The following SORL1 variants were observed in gnomAD, a reference collection of about 807,000 sequenced individuals.
SORL1 encodes the protein sortilin related receptor 1.
In SORL1, 127 loss-of-function variants were observed where a neutral mutation model predicts 273.7. That is an observed-to-expected ratio of 0.46 (90% confidence interval 0.40 to 0.54). The LOEUF is 0.54. SORL1 is among the 20% of genes least tolerant of loss of function. The pLI is 0.00. For synonymous variants in SORL1, 1,031 were observed against 1,067.4 expected (o/e 0.97, Z 0.66); for missense variants, 2,494 against 2,846.1 (o/e 0.88, Z 2.81).
At chr11:121,476,952 A>G (rs929303182) in intron 2 of SORL1, among the ~76,000 whole-genome samples, 6 of 151,684 alleles carry the variant, frequency 4.0e-5, no homozygotes, top group African/African-American at 1.2e-4. Context: ...CCACCAAGCC[A>G]GGCTCATTTT....
intron 8 of SORL1, among the ~76,000 whole-genome samples, chr11:121,519,596 G>A (rs752370726): frequency 4.6e-5 from 7 of 152,210 alleles, no homozygotes; most frequent in Non-Finnish European, 7.4e-5. Context: ...GGAAAGAATC[G>A]ACAGGTTCTG....
chr11:121,500,313 C>A (rs563799192), intron 6 of SORL1, among the ~76,000 whole-genome samples: 8 of 152,272 alleles, frequency 5.3e-5, no homozygotes, highest in African/African-American at 1.9e-4. Context: ...GCAAGCCAGG[C>A]CCAGATATTT....
chr11:121,588,080 A>G lies in SORL1; in HGVS notation c.3875A>G (p.His1292Arg). Reference sequence around the variant, plus strand: ...AAGAACCGCCAGCAGTGCCTGTTCCACTCCATGGTCTGTGACGGAATCATC... The same window carrying G: ...AAGAACCGCCAGCAGTGCCTGTTCCGCTCCATGGTCTGTGACGGAATCATC... ...VCKNRQQCLF[H>R]SMVCDGIIQC... The change falls in exon 28 of 48, where the codon CAC (histidine) becomes CGC (arginine). Residue 1292 changes from histidine to arginine, a missense_variant. Physicochemically the swap from His to Arg is conservative, Grantham distance 29. Coordinates refer to ENST00000260197, the MANE Select transcript of SORL1 (RefSeq NM_003105.6). 1 of 1,613,594 alleles carries G rather than the reference A, an allele frequency of 6.2e-7. No homozygotes were observed. Among genetic ancestry groups the G allele is most frequent in the East Asian group, 2.2e-5 (1 of 44,830 alleles).
rs1469853536 is a variant in SORL1 at position 121,618,781 on chromosome 11, G to T, written c.5612G>T (p.Gly1871Val). 1.2e-6 allele frequency: 2 copies of T among 1,613,976 alleles called. No homozygotes were observed. Among genetic ancestry groups the T allele is most frequent in the African/African-American group, 1.3e-5 (1 of 74,904 alleles). The change falls in exon 42 of 48, where the codon GGT becomes GTT. Residue 1871 changes from glycine to valine, a missense_variant. By Grantham distance (109) the Gly-to-Val change is moderately radical. Around this residue, in one of 3 missense-constraint regions of SORL1, gnomAD observed 1,609 missense variants for 1,816.4 expected, o/e 0.89. Transcript: ENST00000260197. ...TWTGPRNVVY[G>V]IFYATSFLDL... ...ATTCTCTGCTTTTACCAGGTTTATG[G>T]TATTTTCTATGCCACGTCCTTTCTT...
chr11:121,493,912 G>A (rs1018362952), intron 5 of SORL1, among the ~76,000 whole-genome samples: 3 of 152,158 alleles, frequency 2.0e-5, no homozygotes, highest in African/African-American at 7.2e-5. Context: ...TTCTGTTTAT[G>A]TTTCCACAGA....
intron 23 of SORL1, among the ~76,000 whole-genome samples, chr11:121,571,910 A>G (rs1699105): frequency 0.27 from 41,204 of 152,198 alleles, 7,158 homozygotes; most frequent in Middle Eastern, 0.41. Context: ...AGCCTCCTTT[A>G]TCAGAGTTGC....
In SORL1 at chr11:121,606,934, C is replaced by G. The variant is rs745580770; in HGVS notation, c.5038C>G (p.His1680Asp). 2.6e-5 allele frequency: 42 copies of G among 1,613,112 alleles called. No homozygotes were observed. The highest frequency in any genetic ancestry group is 2.9e-5 in the Non-Finnish European group (34 of 1,179,148). Reference protein sequence around the residue: ...VGHWAPPIHTHGLIREYIVEY... With the variant: ...VGHWAPPIHTDGLIREYIVEY... Reference sequence around the variant, plus strand: ...CCACTGGGCTCCTCCCATCCACACCCATGGCCTCATCCGTGAGTACATTGT... The same window carrying G: ...CCACTGGGCTCCTCCCATCCACACCGATGGCCTCATCCGTGAGTACATTGT... The change falls in exon 36 of 48, where the codon CAT (histidine) becomes GAT (aspartate). Residue 1680 changes from histidine (H) to aspartate (D), a missense_variant. Physicochemically the swap from His to Asp is moderately conservative, Grantham distance 81. This residue lies in a region of SORL1 where 1,609 missense variants were observed against 1,816.4 expected (regional missense o/e 0.89). Coordinates refer to ENST00000260197, the MANE Select transcript of SORL1 (RefSeq NM_003105.6).
intron 1 of SORL1, among the ~76,000 whole-genome samples, chr11:121,459,670 A>G (rs11218296): frequency 0.026 from 3,937 of 152,314 alleles, 78 homozygotes; most frequent in Non-Finnish European, 0.036. Context: ...GGGCTTTGCT[A>G]AGGTGGAGCG....
chr11:121,534,154 G>A (rs576815670), intron 12 of SORL1, among the ~76,000 whole-genome samples: 5 of 152,338 alleles, frequency 3.3e-5, no homozygotes, highest in Admixed American at 6.5e-5. Context: ...TAATACGCAC[G>A]TAGGGGACAT....
chr11:121,545,837 A>G (rs1289025970), intron 14 of SORL1, among the ~76,000 whole-genome samples: 1 of 152,196 alleles, frequency 6.6e-6, no homozygotes, highest in Non-Finnish European at 1.5e-5. Flanking sequence ...GTGTGTTTGC[A>G]TCATTTATTA....
chr11:121,513,392 A>G (rs1861907334), intron 7 of SORL1, among the ~76,000 whole-genome samples: 1 of 152,202 alleles, frequency 6.6e-6, no homozygotes, highest in East Asian at 1.9e-4. Context: ...TACTGAAGCA[A>G]TGGGAAGTTT....
chr11:121,497,138 A>G, intron 6 of SORL1, 89 bp downstream of exon 6: 1 of 1,098,522 alleles, frequency 9.1e-7, no homozygotes, highest in South Asian at 1.4e-5. Context: ...GTTTGCATAC[A>G]CAGGAATTGG....
intron 24 of SORL1, 90 bp downstream of exon 24, chr11:121,574,453 T>C: frequency 8.2e-7 from 1 of 1,214,292 alleles, no homozygotes; most frequent in Non-Finnish European, 1.2e-6. Context: ...ACTGGTTTTC[T>C]GATAGCCGTC....
At chr11:121,606,253 A>G (rs1196270670) in intron 35 of SORL1, among the ~76,000 whole-genome samples, 1 of 152,188 alleles carries the variant, frequency 6.6e-6, no homozygotes, top group Non-Finnish European at 1.5e-5. Context: ...AATTTACCAA[A>G]TTTATGTGTC....
intron 43 of SORL1, 68 bp from the exon 44 acceptor site, chr11:121,620,996 A>G (rs951907216): frequency 1.7e-6 from 2 of 1,177,848 alleles, no homozygotes; most frequent in Non-Finnish European, 2.5e-6. Flanking sequence ...ATTGTCCACC[A>G]TTGAACTACA....
chr11:121,514,171 C>T lies in SORL1; in HGVS notation c.1061C>T (p.Ala354Val). Residue 354 changes from alanine to valine, a missense_variant, in exon 8 of 48, where the codon GCC becomes GTC. This residue lies in a region of SORL1 where 710 missense variants were observed against 882.5 expected (regional missense o/e 0.80). Transcript: ENST00000260197. Reference protein sequence around the residue: ...HPINEYYIADASEDQVFVCVS... With the variant: ...HPINEYYIADVSEDQVFVCVS... ...CCAAAGGAATATTACATCGCAGATG[C>T]CTCCGAGGACCAGGTGTTTGTGTGT... 2 of 1,613,414 alleles carry T rather than the reference C, an allele frequency of 1.2e-6. No homozygotes were observed. The highest frequency in any genetic ancestry group is 1.7e-6 in the Non-Finnish European group (2 of 1,179,820).
chr11:121,623,440 C>T (rs890419304), intron 45 of SORL1, among the ~76,000 whole-genome samples: 5 of 152,116 alleles, frequency 3.3e-5, no homozygotes, highest in South Asian at 2.1e-4. Flanking sequence ...AAAGCAGCAA[C>T]GTGCATGAAG....
At chr11:121,613,428 T>G (rs761348252) in intron 40 of SORL1, among the ~76,000 whole-genome samples, 4 of 152,356 alleles carry the variant, frequency 2.6e-5, no homozygotes, top group Middle Eastern at 6.8e-3. Context: ...TGAGAATGAC[T>G]TGGGAGCTTC....
intron 18 of SORL1, 119 bp from the exon 19 acceptor site, chr11:121,557,195 G>C: frequency 1.3e-6 from 1 of 779,260 alleles, no homozygotes; most frequent in Non-Finnish European, 2.3e-6. Context: ...TCAGGTCAGG[G>C]AAATAGGCAG....
Sources: allele counts gnomAD v4.1 joint callset (sites outside exome capture counted in the v4.1 genomes callset), GRCh38; gene constraint gnomAD v4.1.1; regional missense constraint gnomAD v4.1.1; transcripts MANE v1.5; gene names NCBI Gene and HGNC (gene_info 2026-07-23, HGNC 2026-07-21).